The following CCP110 variants were observed in gnomAD, a reference collection of about 807,000 sequenced individuals.
CCP110 encodes the protein centriolar coiled-coil protein 110, also known as centriolar coiled-coil protein of 110 kDa.
A neutral mutation model predicts 105.5 loss-of-function variants in CCP110; 43 were observed. That is an observed-to-expected ratio of 0.41 (90% CI 0.32 to 0.53). CCP110 has a LOEUF of 0.53. CCP110 is among the 20% of genes least tolerant of loss of function. The probability of loss-of-function intolerance (pLI) is 0.32; values close to 1 mark genes in which losing one functional copy is unlikely to be tolerated. For missense variants in CCP110, 1,016 were observed against 1,189.1 expected, an observed-to-expected ratio of 0.85 and a Z score of 2.14; for synonymous variants, 353 against 392.1, an observed-to-expected ratio of 0.90 and a Z score of 1.18.
chr16:19,543,467 G>A (rs890971571), intron 8 of CCP110, among the ~76,000 whole-genome samples: 4 of 152,150 alleles, frequency 2.6e-5, no homozygotes, highest in Admixed American at 2.6e-4. Flanking sequence ...CAAAACATGT[G>A]TGTTTGAACA....
exon 6 of CCP110, chr16:19,541,982 G>C (rs1219437666): frequency 6.2e-7 from 1 of 1,612,312 alleles, no homozygotes; most frequent in African/African-American, 1.3e-5. Flanking sequence ...AATTAGAATG[G>C]AGAAAAATAA....
chr16:19,548,655 GC>G lies in CCP110; in HGVS notation c.2986+59del. The G allele has an allele frequency of 9.1e-7, 1 of 1,100,190 alleles. No homozygotes were observed. Among genetic ancestry groups the G allele is most frequent in the Non-Finnish European group, 1.3e-6 (1 of 750,682 alleles). The allele number at this position is 1,100,190 out of a possible 1,614,324, so 68.2% of individuals were successfully genotyped here. On this transcript the variant is annotated intron_variant, in intron 14 of 14. Coordinates refer to ENST00000381396, the Ensembl canonical transcript of CCP110. The surrounding 1 kb of genome is among the most constrained non-coding windows in gnomAD (Gnocchi z 4.1). ...TTCAATAGAAGGAAGTGCACAAGCT[GC>G]CCCATAACTCAGGCCATAGAAGTGG...
exon 4 of CCP110, chr16:19,536,329 C>T (rs1250871834): frequency 1.2e-6 from 2 of 1,612,764 alleles, no homozygotes; most frequent in East Asian, 2.2e-5. Flanking sequence ...CAGAAGTCAT[C>T]CCAGATCCCT....
At chr16:19,552,253 G>A (rs921064012) in exon 15 of CCP110, 2 of 152,126 alleles carry the variant, frequency 1.3e-5, no homozygotes, top group African/African-American at 4.8e-5. Context: ...CAACTGGCCA[G>A]GCAGGGTGGC....
intron 3 of CCP110, among the ~76,000 whole-genome samples, chr16:19,533,939 C>T (rs959848924): frequency 1.3e-5 from 2 of 152,078 alleles, no homozygotes; most frequent in African/African-American, 2.4e-5. Context: ...TTCAGTTACT[C>T]GAAATCCCTA....
At chr16:19,542,752 T>C in exon 7 of CCP110, 2 of 1,613,112 alleles carry the variant, frequency 1.2e-6, no homozygotes, top group Non-Finnish European at 1.7e-6. Context: ...CAAAACTAGA[T>C]GGTCTCAAGT....
At chr16:19,540,713 C>T in exon 5 of CCP110, 2 of 1,612,854 alleles carry the variant, frequency 1.2e-6, no homozygotes, top group South Asian at 2.2e-5. Context: ...GCGGAAGAGA[C>T]TAGAAGAACA....
chr16:19,547,416 A>C (rs1219883299), intron 12 of CCP110: 1 of 152,848 alleles, frequency 6.5e-6, no homozygotes, highest in African/African-American at 2.4e-5. Flanking sequence ...CCGTCTCAAA[A>C]AAAAGCTAAC....
At chr16:19,550,377 G>A (rs920649383) in intron 14 of CCP110, among the ~76,000 whole-genome samples, 1 of 152,046 alleles carries the variant, frequency 6.6e-6, no homozygotes, top group African/African-American at 2.4e-5. Context: ...AGTCTCGAAC[G>A]CCTGACCTCA....
chr16:19,532,342 T>G (rs1969898599), intron 2 of CCP110, 74 bp from the exon 3 acceptor site: 1 of 1,314,720 alleles, frequency 7.6e-7, no homozygotes, highest in African/African-American at 1.5e-5. Context: ...TTTTTAATCT[T>G]TCTGATTCAC....
chr16:19,540,885 C>T, intron 5 of CCP110, 98 bp downstream of exon 5: 1 of 994,452 alleles, frequency 1.0e-6, no homozygotes, highest in Non-Finnish European at 1.5e-6. Context: ...TTTTTGCCTC[C>T]ATATATCTTA....
At chr16:19,529,644 A>G (rs1282710681) in intron 2 of CCP110, among the ~76,000 whole-genome samples, 1 of 152,198 alleles carries the variant, frequency 6.6e-6, no homozygotes, top group African/African-American at 2.4e-5. Flanking sequence ...GCTCCCCTAA[A>G]TATTTTGGTG....
At chr16:19,532,498 A>G in exon 3 of CCP110, 1 of 1,611,574 alleles carries the variant, frequency 6.2e-7, no homozygotes, top group South Asian at 1.1e-5. Flanking sequence ...GTTAACAGGA[A>G]GAAAGCTTTA....
rs1597282061 is a variant in CCP110, at chr16:19,548,888, C to G, written c.2986+288C>G. On this transcript the variant is annotated intron_variant, in intron 14 of 14. Coordinates refer to ENST00000381396, the Ensembl canonical transcript of CCP110. This position sits in a 1 kb window ranked among gnomAD's most constrained non-coding sequence, Gnocchi z 4.1. ...ATTTGCCATGCTTAATTCAGAAAAC[C>G]TTTTTATTTAATGAATAAAAGATAA... 6.6e-6 allele frequency among the ~76,000 whole-genome samples: 1 copy of G among 152,102 alleles called. No homozygotes were observed. Among genetic ancestry groups the G allele is most frequent in the Non-Finnish European group, 1.5e-5 (1 of 68,012 alleles).
chr16:19,545,337 T>C, intron 10 of CCP110, 127 bp downstream of exon 10: 1 of 543,624 alleles, frequency 1.8e-6, no homozygotes, highest in South Asian at 2.8e-5. Context: ...TTCCTGGAAT[T>C]ACTAGCAGCA....
At chr16:19,525,219 G>A (rs1371249484) in intron 1 of CCP110, 1 of 152,206 alleles carries the variant, frequency 6.6e-6, no homozygotes, top group Non-Finnish European at 1.5e-5. Flanking sequence ...GTCTGGCAGA[G>A]CACGGGTAAG....
At chr16:19,541,687 G>A (rs1051960626) in intron 5 of CCP110, among the ~76,000 whole-genome samples, 200 bp from the exon 6 acceptor site, 8 of 144,166 alleles carry the variant, frequency 5.5e-5, no homozygotes, top group Non-Finnish European at 9.1e-5. Context: ...AGAGAGAAAG[G>A]AAGGAAGGAA....
At chr16:19,529,403 A>G (rs1292034153) in intron 2 of CCP110, among the ~76,000 whole-genome samples, 1 of 152,250 alleles carries the variant, frequency 6.6e-6, no homozygotes, top group East Asian at 1.9e-4. Context: ...ATTTTTAAAG[A>G]CACCAGAGCT....
In CCP110 at chr16:19,548,559, AG is replaced by A; in HGVS notation, c.2946del (p.Lys982AsnfsTer99). ...AAGGGGGTTGTGCAAAATAGACAGA[AG>A]CCTTCACAGAGCAGAGTGCCTAACA... On this transcript the variant is annotated frameshift_variant, in exon 14 of 15. Transcript: ENST00000381396. LOFTEE classifies it high-confidence loss of function. This position sits in a 1 kb window ranked among gnomAD's most constrained non-coding sequence, Gnocchi z 4.1. 2 of 1,550,154 alleles carry A rather than the reference AG, an allele frequency of 1.3e-6. No homozygotes were observed. The highest frequency in any genetic ancestry group is 1.7e-6 in the Non-Finnish European group (2 of 1,146,646).
Sources: allele counts gnomAD v4.1 joint callset (sites outside exome capture counted in the v4.1 genomes callset), GRCh38; gene constraint gnomAD v4.1.1; non-coding constraint Gnocchi (gnomAD v3.1); transcripts MANE v1.5; gene names NCBI Gene and HGNC (gene_info 2026-07-23, HGNC 2026-07-21).